The following PLEKHM3 variants were observed in gnomAD, a reference collection of about 807,000 sequenced individuals.
The protein encoded by PLEKHM3 is pleckstrin homology domain containing M3.
A neutral mutation model predicts 81.8 loss-of-function variants in PLEKHM3; 45 were observed. The observed-to-expected ratio is 0.55, with a 90% confidence interval of 0.43 to 0.71. The LOEUF (loss-of-function observed/expected upper bound fraction) is 0.71, where lower values mean the gene tolerates loss of function less well. Among genes scored for constraint, PLEKHM3 ranks in the 30% least tolerant of loss-of-function variants. The pLI is 0.00. For missense variants in PLEKHM3, 788 were observed against 924.3 expected, an observed-to-expected ratio of 0.85 and a Z score of 1.91; for synonymous variants, 352 against 356.4, an observed-to-expected ratio of 0.99 and a Z score of 0.14.
At chr2:207,982,643 A>G (rs1691574561) in intron 2 of PLEKHM3, among the ~76,000 whole-genome samples, 1 of 148,222 alleles carries the variant, frequency 6.7e-6, no homozygotes, top group Admixed American at 6.8e-5. Context: ...TAATGGCACG[A>G]TCTTGGCTCA....
intron 7 of PLEKHM3, among the ~76,000 whole-genome samples, chr2:207,830,388 C>T (rs1016302958): frequency 1.3e-5 from 2 of 151,878 alleles, no homozygotes; most frequent in African/African-American, 4.8e-5. Context: ...CCGAGGTGAG[C>T]GGATCACCCG....
intron 7 of PLEKHM3, among the ~76,000 whole-genome samples, chr2:207,852,465 C>T (rs2092417958): frequency 6.6e-6 from 1 of 152,140 alleles, no homozygotes; most frequent in Non-Finnish European, 1.5e-5. Context: ...AAAATTAATA[C>T]TAGGGGTATA....
chr2:207,956,188 A>C (rs1690500386), intron 3 of PLEKHM3, among the ~76,000 whole-genome samples: 1 of 152,316 alleles, frequency 6.6e-6, no homozygotes, highest in Non-Finnish European at 1.5e-5. Flanking sequence ...CTGAGTGCTC[A>C]GAGTGAGAAG....
Position 207,911,551 on chromosome 2 carries a change from C to G in PLEKHM3, c.1887-2974G>C, listed in dbSNP as rs367591513. 2.2e-4 allele frequency among the ~76,000 whole-genome samples: 33 copies of G among 152,314 alleles called. No individual in the cohort carries two copies. The East Asian group carries it at 6.2e-3, about 28-fold the overall frequency. On this transcript the variant is annotated intron_variant, in intron 5 of 7. Transcript: ENST00000427836. ...CCAAGATCCAAGGGCCCAAACTTAT[C>G]TGCAGGAAAGGAAAACTAGGGCAGT...
At chr2:207,911,991 C>T (rs921158243) in intron 5 of PLEKHM3, among the ~76,000 whole-genome samples, 4 of 151,758 alleles carry the variant, frequency 2.6e-5, no homozygotes, top group South Asian at 2.1e-4. Flanking sequence ...CAAACCAAAT[C>T]ACACTGGCAT....
intron 3 of PLEKHM3, among the ~76,000 whole-genome samples, chr2:207,965,605 T>C (rs1690883157): frequency 6.6e-6 from 1 of 152,192 alleles, no homozygotes; most frequent in South Asian, 2.1e-4. Flanking sequence ...AGTGATCAAA[T>C]CTCTTTGAAT....
At chr2:207,911,011 A>G (rs1688794093) in intron 5 of PLEKHM3, among the ~76,000 whole-genome samples, 1 of 152,084 alleles carries the variant, frequency 6.6e-6, no homozygotes, top group African/African-American at 2.4e-5. Flanking sequence ...CTTCCAGGGG[A>G]GGGAATAAAA....
At chr2:207,859,849 G>A (rs1034155250) in intron 7 of PLEKHM3, among the ~76,000 whole-genome samples, 5 of 152,032 alleles carry the variant, frequency 3.3e-5, no homozygotes, top group East Asian at 1.9e-4. Context: ...CACCTGCCTC[G>A]GCCTCCCAAA....
intron 3 of PLEKHM3, among the ~76,000 whole-genome samples, chr2:207,971,166 C>T (rs932188023): frequency 3.9e-5 from 6 of 152,200 alleles, no homozygotes; most frequent in Non-Finnish European, 7.3e-5. Context: ...GAAACAAGTC[C>T]TTGGGCCCTT....
At chr2:207,942,853 T>C (rs1426135621) in intron 4 of PLEKHM3, among the ~76,000 whole-genome samples, 1 of 152,068 alleles carries the variant, frequency 6.6e-6, no homozygotes, top group Non-Finnish European at 1.5e-5. Flanking sequence ...TGAGCCGAGA[T>C]TGCACCACTG....
At chr2:207,879,757 G>A (rs946323505) in intron 6 of PLEKHM3, among the ~76,000 whole-genome samples, 1 of 152,114 alleles carries the variant, frequency 6.6e-6, no homozygotes, top group Non-Finnish European at 1.5e-5. Flanking sequence ...GACAACGGAG[G>A]GTGGATTCTG....
intron 6 of PLEKHM3, among the ~76,000 whole-genome samples, chr2:207,905,431 G>C (rs1213349164): frequency 1.3e-5 from 2 of 152,218 alleles, no homozygotes; most frequent in African/African-American, 2.4e-5. Flanking sequence ...AGGGTTTCCC[G>C]ATACCACCAC....
chr2:207,953,524 G>T (rs1690405007), intron 3 of PLEKHM3, among the ~76,000 whole-genome samples: 1 of 152,140 alleles, frequency 6.6e-6, no homozygotes, highest in Admixed American at 6.5e-5. Flanking sequence ...GCCGGGTGTG[G>T]TGGCTCATGC....
At position 207,821,871 on chromosome 2, in the gene PLEKHM3, G is replaced by A. The variant is rs75326748; in HGVS notation, c.*6448C>T. On this transcript the variant is annotated 3_prime_UTR_variant, in exon 8 of 8. Transcript: ENST00000427836. The stretch of plus-strand genomic sequence containing the variant: ...TGGGATTACAGGTGTGAGCCGCTGC[G>A]GCCAACCACTTTCCCTCCTTTGGCC... 3,346 of 152,198 alleles carry A rather than the reference G, an allele frequency of 0.022. 122 individuals are homozygous for A. Among genetic ancestry groups the A allele is most frequent in the African/African-American group, 0.076 (3,140 of 41,498 alleles). 9.4% of individuals were successfully genotyped at this position (152,198 alleles called of 1,614,324 possible).
At chr2:207,913,012 G>A (rs1688858018) in intron 5 of PLEKHM3, among the ~76,000 whole-genome samples, 1 of 152,186 alleles carries the variant, frequency 6.6e-6, no homozygotes, top group Admixed American at 6.5e-5. Flanking sequence ...TGCTGTGGCT[G>A]AGGTCCTACA....
intron 2 of PLEKHM3, among the ~76,000 whole-genome samples, chr2:207,983,216 T>C (rs1691601626): frequency 6.6e-6 from 1 of 151,994 alleles, no homozygotes; most frequent in Non-Finnish European, 1.5e-5. Flanking sequence ...CACGCCCAGC[T>C]AATTTTTTGT....
intron 5 of PLEKHM3, among the ~76,000 whole-genome samples, chr2:207,927,749 G>A (rs1347116409): frequency 1.3e-5 from 2 of 151,974 alleles, no homozygotes; most frequent in Admixed American, 1.3e-4. Flanking sequence ...AGAATTGCTG[G>A]AACCTGGGAG....
chr2:207,958,998 C>T (rs773073724), intron 3 of PLEKHM3, among the ~76,000 whole-genome samples: 3 of 151,956 alleles, frequency 2.0e-5, no homozygotes, highest in African/African-American at 4.8e-5. Context: ...TATTAGAACC[C>T]GAGACAAAAG....
intron 5 of PLEKHM3, among the ~76,000 whole-genome samples, chr2:207,909,758 A>T (rs1688753656): frequency 6.6e-6 from 1 of 152,148 alleles, no homozygotes; most frequent in Non-Finnish European, 1.5e-5. Flanking sequence ...ACAAAACAAA[A>T]ACTCTCTTGG....
Sources: allele counts gnomAD v4.1 joint callset (sites outside exome capture counted in the v4.1 genomes callset), GRCh38; gene constraint gnomAD v4.1.1; transcripts MANE v1.5; gene names NCBI Gene and HGNC (gene_info 2026-07-23, HGNC 2026-07-21).